Variants in FAT3 observed in about 807,000 individuals in gnomAD.
The protein encoded by FAT3 is FAT atypical cadherin 3.
A neutral mutation model predicts 310.2 loss-of-function variants in FAT3; 95 were observed. The ratio of observed to expected loss-of-function variants is 0.31; its 90% CI spans 0.26 to 0.36. The LOEUF (loss-of-function observed/expected upper bound fraction) is 0.36. FAT3 is among the 10% of genes least tolerant of loss of function. The pLI is 1.00. For missense variants in FAT3, 5,408 were observed against 5,715.6 expected, an observed-to-expected ratio of 0.95 and a Z score of 1.74; for synonymous variants, 2,314 against 2,192.9, an observed-to-expected ratio of 1.06 and a Z score of -1.54.
At chr11:92,715,964 C>T (rs987672315) in intron 4 of FAT3, among the ~76,000 whole-genome samples, 57 of 151,972 alleles carry the variant, frequency 3.8e-4, no homozygotes, top group Non-Finnish European at 6.9e-4. Context: ...GAAGTAGTTT[C>T]GACTAGATAC....
intron 4 of FAT3, among the ~76,000 whole-genome samples, chr11:92,705,508 TGGTGTGATAGTGGTGTTGGTGGTGGTGTG>T: frequency 1.6e-5 from 1 of 63,382 alleles, no homozygotes; most frequent in African/African-American, 6.3e-5. Flanking sequence ...GTGATGGTGG[TGGTGTGATAGTGGTGTTGGTGGTGGTGTG>T]ATGGTGTGAT....
In FAT3 at chr11:92,840,814, C is replaced by G. The variant is rs144481796; in HGVS notation, c.10566+55C>G. ...CTGTCTTTCTTTCTCATGCTTGTTTCTGTCCCCTTTGGTGGATTTTTTTCT... is the reference window on the plus strand; with the variant it reads ...CTGTCTTTCTTTCTCATGCTTGTTTGTGTCCCCTTTGGTGGATTTTTTTCT... On this transcript the variant is annotated intron_variant, in intron 18 of 27. Coordinates refer to ENST00000525166, the MANE Select transcript of FAT3 (RefSeq NM_001367949.2). The G allele has an allele frequency of 2.8e-6, 4 of 1,448,870 alleles. No individual in the cohort carries two copies. The African/African-American group carries it at 5.6e-5, about 20-fold the overall frequency. 89.8% of individuals were successfully genotyped at this position (1,448,870 alleles called of 1,614,324 possible).
At chr11:92,741,190 C>T (rs1331058486) in intron 4 of FAT3, among the ~76,000 whole-genome samples, 2 of 152,156 alleles carry the variant, frequency 1.3e-5, no homozygotes, top group Non-Finnish European at 1.5e-5. Flanking sequence ...CAAAGGTGCA[C>T]ACCACCACAT....
chr11:92,777,587 A>G (rs779072810), intron 7 of FAT3, among the ~76,000 whole-genome samples: 1 of 152,180 alleles, frequency 6.6e-6, no homozygotes, highest in Non-Finnish European at 1.5e-5. Flanking sequence ...CTAGTTCTTT[A>G]TTTTGTAAGG....
intron 1 of FAT3, among the ~76,000 whole-genome samples, chr11:92,247,069 A>G (rs1864944523): frequency 6.6e-6 from 1 of 152,122 alleles, no homozygotes; most frequent in South Asian, 2.1e-4. Context: ...GGAAATTACT[A>G]GAGAGGTTGG....
At chr11:92,671,788 T>C (rs1194321118) in intron 3 of FAT3, among the ~76,000 whole-genome samples, 3 of 152,110 alleles carry the variant, frequency 2.0e-5, no homozygotes, top group African/African-American at 4.8e-5. Context: ...TAGTGGCTTA[T>C]TAAATAACTT....
intron 1 of FAT3, among the ~76,000 whole-genome samples, chr11:92,286,365 G>A (rs552627399): frequency 2.6e-5 from 4 of 152,258 alleles, no homozygotes; most frequent in Admixed American, 6.5e-5. Flanking sequence ...CGAGCAGTGC[G>A]TAATGGGATG....
At chr11:92,850,582 T>C (rs989785376) in intron 19 of FAT3, among the ~76,000 whole-genome samples, 1 of 152,194 alleles carries the variant, frequency 6.6e-6, no homozygotes, top group South Asian at 2.1e-4. Context: ...GAAGGGAGCT[T>C]ATTGACTTAT....
chr11:92,239,953 T>C (rs1565173096), intron 1 of FAT3, among the ~76,000 whole-genome samples: 1 of 152,128 alleles, frequency 6.6e-6, no homozygotes. Flanking sequence ...TTTCATTGCC[T>C]GAAGTAGATT....
chr11:92,854,986 T>C (rs900488756), intron 19 of FAT3, among the ~76,000 whole-genome samples: 5 of 152,360 alleles, frequency 3.3e-5, no homozygotes, highest in African/African-American at 1.2e-4. Flanking sequence ...TGAAAGGTAA[T>C]GCCCAAGTAA....
chr11:92,779,276 C>T (rs577539977), intron 7 of FAT3, among the ~76,000 whole-genome samples: 1 of 152,116 alleles, frequency 6.6e-6, no homozygotes, highest in Admixed American at 6.5e-5. Context: ...GGAATTCTAC[C>T]CATAGTGCCC....
chr11:92,726,171 A>G (rs1944991710), intron 4 of FAT3, among the ~76,000 whole-genome samples: 1 of 152,178 alleles, frequency 6.6e-6, no homozygotes, highest in African/African-American at 2.4e-5. Flanking sequence ...TAAAAGATCA[A>G]CTATAAGATG....
At chr11:92,425,224 T>C (rs1215427929) in intron 2 of FAT3, among the ~76,000 whole-genome samples, 2 of 152,052 alleles carry the variant, frequency 1.3e-5, no homozygotes, top group East Asian at 3.9e-4. Context: ...AAGGTATTTT[T>C]CTGGTCGCTT....
chr11:92,801,022 A>T lies in FAT3; in HGVS notation c.8009A>T (p.Lys2670Ile). Residue 2670 changes from lysine to isoleucine, a missense_variant, in exon 10 of 28, where the codon AAA becomes ATA. By Grantham distance (102) the Lys-to-Ile change is moderately radical. This residue lies in a region of FAT3 where 4,588 missense variants were observed against 4,809.8 expected (regional missense o/e 0.95). Coordinates refer to ENST00000525166, the MANE Select transcript of FAT3 (RefSeq NM_001367949.2). ...MVTKGNFNQLKNTVLSFFVKA... is the reference protein window; with the variant it reads ...MVTKGNFNQLINTVLSFFVKA... ...ACAAAGGGTAATTTTAACCAGCTGA[A>T]AAATACAGTGCTTTCGTTCTTTGTC... is the stretch of plus-strand genomic sequence containing the variant. The T allele has an allele frequency of 1.9e-6, 3 of 1,613,744 alleles. No homozygotes were observed. The highest frequency in any genetic ancestry group is 2.5e-6 in the Non-Finnish European group (3 of 1,179,790).
At chr11:92,306,088 A>T (rs1565214171) in intron 1 of FAT3, among the ~76,000 whole-genome samples, 1 of 152,036 alleles carries the variant, frequency 6.6e-6, no homozygotes, top group African/African-American at 2.4e-5. Context: ...TAAAAAGCAA[A>T]TGTCTTTTTA....
At chr11:92,468,915 C>T (rs929733989) in intron 2 of FAT3, among the ~76,000 whole-genome samples, 4 of 152,150 alleles carry the variant, frequency 2.6e-5, no homozygotes, top group Admixed American at 2.0e-4. Flanking sequence ...AGCCCTGTGC[C>T]AATCTCTATA....
intron 2 of FAT3, among the ~76,000 whole-genome samples, chr11:92,393,958 A>C (rs1193941627): frequency 1.3e-5 from 2 of 152,138 alleles, no homozygotes; most frequent in African/African-American, 4.8e-5. Context: ...TTACAGATGT[A>C]CGTGTTCTAT....
chr11:92,499,703 GTGTGTGTGTA>G (rs1479976349), intron 2 of FAT3, among the ~76,000 whole-genome samples: 3 of 142,382 alleles, frequency 2.1e-5, no homozygotes, highest in Non-Finnish European at 3.0e-5. Flanking sequence ...TCTTGATCTT[GTGTGTGTGTA>G]TGTGTGTGTA....
intron 1 of FAT3, among the ~76,000 whole-genome samples, chr11:92,234,100 G>A (rs1864309853): frequency 6.6e-6 from 1 of 152,156 alleles, no homozygotes; most frequent in African/African-American, 2.4e-5. Flanking sequence ...TAAACATTGA[G>A]TGTAAATGAC....
Sources: allele counts gnomAD v4.1 joint callset (sites outside exome capture counted in the v4.1 genomes callset), GRCh38; gene constraint gnomAD v4.1.1; regional missense constraint gnomAD v4.1.1; transcripts MANE v1.5; gene names NCBI Gene and HGNC (gene_info 2026-07-23, HGNC 2026-07-21).